The following CCDC88A variants were observed in gnomAD, a reference collection of about 807,000 sequenced individuals.
CCDC88A encodes the protein girdin.
CCDC88A carries 54 observed loss-of-function variants against 234.3 expected under a neutral mutation model. The ratio of observed to expected loss-of-function variants is 0.23; its 90% CI spans 0.19 to 0.29. The LOEUF is 0.29. CCDC88A is among the 10% of genes least tolerant of loss of function. The pLI, the probability that CCDC88A is intolerant of heterozygous loss-of-function variation, is 1.00. For synonymous variants in CCDC88A, 753 were observed against 737.8 expected (o/e 1.02, Z -0.33); for missense variants, 1,832 against 2,123.4 (o/e 0.86, Z 2.70).
Position 55,418,674 on chromosome 2 carries a change from T to G in CCDC88A, c.164+142A>C. 6.1e-6 allele frequency: 4 copies of G among 658,452 alleles called. No individual in the cohort carries two copies. The South Asian group carries it at 7.3e-5, about 12-fold the overall frequency. 40.8% of individuals were successfully genotyped at this position (658,452 alleles called of 1,614,324 possible). A position where few individuals can be genotyped will look rare whatever the true frequency, so the allele number is the denominator to read the frequency against. ...ATGGGCTGAGCCCATAACATTAGCA[T>G]TCCTTTCAAGATCCAATTCTTAAAC... is the stretch of plus-strand genomic sequence containing the variant. On this transcript the variant is annotated intron_variant, in intron 2 of 32. Coordinates refer to ENST00000436346, the MANE Select transcript of CCDC88A (RefSeq NM_001365480.1).
chr2:55,319,448 C>A lies in CCDC88A; in HGVS notation c.3163-444G>T, dbSNP rs535320245. Among the ~76,000 whole-genome samples, 145 of 152,006 alleles carry A rather than the reference C, an allele frequency of 9.5e-4. No individual in the cohort carries two copies. In the Middle Eastern group the frequency reaches 0.014, roughly 14 times the overall value. ...ATATATACCTAAGTGAGTAGTGGTC[C>A]CAGAGATAGTGCAAAACTAAGTATA... is the stretch of plus-strand genomic sequence containing the variant. On this transcript the variant is annotated intron_variant, in intron 18 of 32. Transcript: ENST00000436346.
chr2:55,334,210 TG>T lies in CCDC88A; in HGVS notation c.2610del (p.Glu872LysfsTer12). 1 of 1,440,046 alleles carries T rather than the reference TG, an allele frequency of 6.9e-7. No individual in the cohort carries two copies. Among genetic ancestry groups the T allele is most frequent in the Non-Finnish European group, 9.1e-7 (1 of 1,098,228 alleles). 89.2% of individuals were successfully genotyped at this position (1,440,046 alleles called of 1,614,324 possible). A position where few individuals can be genotyped will look rare whatever the true frequency, so the allele number is the denominator to read the frequency against. ...GNLEKENKTL[S>X]KEIGIYKESC... is the part of the protein sequence containing the mutation. ...GATTCTTTATATATACCAATTTCTT[TG>T]GATAGGGTTTTGTTTTCTTTTTCCA... On this transcript the variant is annotated frameshift_variant, in exon 15 of 33. Transcript: ENST00000436346. LOFTEE classifies it high-confidence loss of function. The surrounding 1 kb of genome is among the most constrained non-coding windows in gnomAD (Gnocchi z 6.1).
chr2:55,337,136 C>A, intron 13 of CCDC88A: 1 of 175,744 alleles, frequency 5.7e-6, no homozygotes, highest in Admixed American at 6.4e-5. Flanking sequence ...ATTCACTTGG[C>A]TTGAGTGGAT....
chr2:55,388,645 T>C (rs1676103607), intron 3 of CCDC88A, 133 bp downstream of exon 3: 1 of 476,106 alleles, frequency 2.1e-6, no homozygotes, highest in Non-Finnish European at 3.8e-6. Flanking sequence ...TCTTATTTAC[T>C]ACTCTAACTC....
intron 22 of CCDC88A, chr2:55,313,132 C>T (rs1268151966): frequency 6.6e-6 from 1 of 152,300 alleles, no homozygotes; most frequent in Non-Finnish European, 1.5e-5. Context: ...AGTGCAATAG[C>T]ATGATTTCGG....
At chr2:55,394,704 T>C (rs1677220960) in intron 2 of CCDC88A, 1 of 150,266 alleles carries the variant, frequency 6.7e-6, no homozygotes, top group African/African-American at 2.5e-5. Flanking sequence ...ATATACCTAA[T>C]GCTAAATGAT....
intron 22 of CCDC88A, chr2:55,314,884 T>C (rs1335732880): frequency 6.6e-6 from 1 of 152,194 alleles, no homozygotes; most frequent in Non-Finnish European, 1.5e-5. Context: ...TTTTATACTA[T>C]AGATTAGTTT....
intron 2 of CCDC88A, 146 bp downstream of exon 2, chr2:55,418,670 A>G (rs1574555939): frequency 1.5e-6 from 1 of 651,414 alleles, no homozygotes; most frequent in East Asian, 2.7e-5. Flanking sequence ...CCATAACATT[A>G]GCATTCCTTT....
At chr2:55,388,032 T>G (rs1177236604) in intron 3 of CCDC88A, among the ~76,000 whole-genome samples, 1 of 152,066 alleles carries the variant, frequency 6.6e-6, no homozygotes, top group Non-Finnish European at 1.5e-5. Context: ...AACAATACAA[T>G]TAACAAACAA....
intron 2 of CCDC88A, among the ~76,000 whole-genome samples, chr2:55,406,917 A>T (rs1679688714): frequency 6.6e-6 from 1 of 152,220 alleles, no homozygotes; most frequent in Admixed American, 6.5e-5. Context: ...AAAATCAGTC[A>T]CATTAAGAAT....
At chr2:55,388,035 A>G (rs2104889433) in intron 3 of CCDC88A, among the ~76,000 whole-genome samples, 1 of 152,298 alleles carries the variant, frequency 6.6e-6, no homozygotes, top group East Asian at 1.9e-4. Context: ...AATACAATTA[A>G]CAAACAAGGT....
Position 55,319,039 on chromosome 2 carries a change from CAAT to C in CCDC88A, c.3163-38_3163-36del, listed in dbSNP as rs759345277. ...CAAAAACCAAAACCAAACATATTAA[CAAT>C]AATGGCAACATCAAATATGTTTCTA... On this transcript the variant is annotated intron_variant, in intron 18 of 32. Coordinates refer to ENST00000436346, the MANE Select transcript of CCDC88A (RefSeq NM_001365480.1). The C allele has an allele frequency of 4.5e-6, 7 of 1,559,372 alleles. No homozygotes were observed. The South Asian group carries it at 5.7e-5, about 13-fold the overall frequency.
chr2:55,299,932 A>C lies in CCDC88A; in HGVS notation c.4745-13T>G, dbSNP rs1680677039. 3 of 1,596,092 alleles carry C rather than the reference A, an allele frequency of 1.9e-6. No individual in the cohort carries two copies. Among genetic ancestry groups the C allele is most frequent in the African/African-American group, 1.3e-5 (1 of 74,532 alleles). The stretch of plus-strand genomic sequence containing the variant: ...GCTGGTCTTGAAGCTAAATGAAAAA[A>C]CCAGGAGACAGTGTGATAAAACTTC... On this transcript the variant is annotated splice_polypyrimidine_tract_variant and intron_variant, in intron 28 of 32. Transcript: ENST00000436346.
At chr2:55,393,238 A>T (rs542755895) in intron 2 of CCDC88A, among the ~76,000 whole-genome samples, 2 of 110,268 alleles carry the variant, frequency 1.8e-5, no homozygotes, top group Non-Finnish European at 1.9e-5. Context: ...TACATTGTCT[A>T]TTGGTGCTAT....
rs1679288929 is a variant in CCDC88A, at chr2:55,289,407, C to T, written c.*1793G>A. On this transcript the variant is annotated 3_prime_UTR_variant, in exon 33 of 33. Coordinates refer to ENST00000436346, the MANE Select transcript of CCDC88A (RefSeq NM_001365480.1). ...GACATGCAATTGTCTCTAGACTGCT[C>T]TGATACCTATTACCAATGTGCTACT... 6.6e-6 allele frequency: 1 copy of T among 152,562 alleles called. No individual in the cohort carries two copies. The highest frequency in any genetic ancestry group is 2.1e-4 in the South Asian group (1 of 4,834). The allele number at this position is 152,562 out of a possible 1,614,324, so 9.5% of individuals were successfully genotyped here.
chr2:55,345,979 A>G (rs1431467807), intron 10 of CCDC88A, 196 bp downstream of exon 10: 1 of 412,818 alleles, frequency 2.4e-6, no homozygotes, highest in East Asian at 3.9e-5. Context: ...CAATAAAATT[A>G]GTAATATCCA....
intron 17 of CCDC88A, chr2:55,324,055 T>C (rs1683962101): frequency 6.6e-6 from 1 of 152,174 alleles, no homozygotes; most frequent in Admixed American, 6.5e-5. Flanking sequence ...CAAGTAAGTA[T>C]TAAAAATGAT....
intron 3 of CCDC88A, among the ~76,000 whole-genome samples, chr2:55,379,816 G>A (rs1271638678): frequency 6.6e-6 from 1 of 152,142 alleles, no homozygotes; most frequent in East Asian, 1.9e-4. Context: ...AGGAGGCTGA[G>A]GCAGGAGAAT....
At chr2:55,375,501 A>ATATATG (rs1673511881) in intron 3 of CCDC88A, among the ~76,000 whole-genome samples, 1 of 24,662 alleles carries the variant, frequency 4.1e-5, no homozygotes, top group Non-Finnish European at 1.4e-4. Flanking sequence ...ATATATATAT[A>ATATATG]TATATATATA....
Sources: allele counts gnomAD v4.1 joint callset (sites outside exome capture counted in the v4.1 genomes callset), GRCh38; gene constraint gnomAD v4.1.1; non-coding constraint Gnocchi (gnomAD v3.1); transcripts MANE v1.5; gene names NCBI Gene and HGNC (gene_info 2026-07-23, HGNC 2026-07-21).